Variants in ODAD2 observed in about 807,000 individuals in gnomAD.
ODAD2 encodes the protein outer dynein arm docking complex subunit 2.
ODAD2 carries 89 observed loss-of-function variants against 106.8 expected under a neutral mutation model. That is an observed-to-expected ratio of 0.83 (90% CI 0.70 to 0.99). The LOEUF (loss-of-function observed/expected upper bound fraction) is 0.99. ODAD2 is among the 50% of genes least tolerant of loss of function. The pLI, the probability that ODAD2 is intolerant of heterozygous loss-of-function variation, is 0.00. For synonymous variants in ODAD2, 404 were observed against 436.2 expected, an observed-to-expected ratio of 0.93 and a Z score of 0.92; for missense variants, 1,168 against 1,238.5, an observed-to-expected ratio of 0.94 and a Z score of 0.85.
Position 27,939,877 on chromosome 10 carries a change from G to C in ODAD2, c.2097+20C>G, listed in dbSNP as rs764297273. ...TATGTGAGAAAGAACGCCAACAACCGCTGGGAGAGTTCACTGCACCTGGTA... is the reference window on the plus strand; with the variant it reads ...TATGTGAGAAAGAACGCCAACAACCCCTGGGAGAGTTCACTGCACCTGGTA... On this transcript the variant is annotated intron_variant, in intron 14 of 19. Coordinates refer to ENST00000305242, the MANE Select transcript of ODAD2 (RefSeq NM_018076.5). 1 of 1,503,160 alleles carries C rather than the reference G, an allele frequency of 6.7e-7. No homozygotes were observed. The highest frequency in any genetic ancestry group is 9.1e-7 in the Non-Finnish European group (1 of 1,101,296). The allele number at this position is 1,503,160 out of a possible 1,614,324, so 93.1% of individuals were successfully genotyped here. A position where few individuals can be genotyped will look rare whatever the true frequency, so the allele number is the denominator to read the frequency against.
At chr10:27,826,060 T>C (rs1589759721) in intron 19 of ODAD2, among the ~76,000 whole-genome samples, 1 of 152,230 alleles carries the variant, frequency 6.6e-6, no homozygotes, top group Admixed American at 6.5e-5. Context: ...ATTATGGTCA[T>C]ACCCGGACCT....
Position 27,916,165 on chromosome 10 carries a change from A to C in ODAD2, c.2496-8388T>G, listed in dbSNP as rs143455968. Among the ~76,000 whole-genome samples, 605 of 152,250 alleles carry C rather than the reference A, an allele frequency of 4.0e-3. 3 individuals are homozygous for C. Among genetic ancestry groups the C allele is most frequent in the African/African-American group, 0.014 (588 of 41,564 alleles). On this transcript the variant is annotated intron_variant, in intron 16 of 19. Coordinates refer to ENST00000305242, the MANE Select transcript of ODAD2 (RefSeq NM_018076.5). ...TGGGGACAGAGACTGAAAAGTGTGA[A>C]AGAAAGTGCCAATATAGTAGAGCAG...
At chr10:27,847,887 G>C (rs1838902417) in intron 19 of ODAD2, among the ~76,000 whole-genome samples, 1 of 152,132 alleles carries the variant, frequency 6.6e-6, no homozygotes, top group African/African-American at 2.4e-5. Flanking sequence ...ACTCTTCAAG[G>C]AGAACTACAA....
At chr10:27,935,444 C>T (rs1845904903) in intron 15 of ODAD2, among the ~76,000 whole-genome samples, 192 bp from the exon 16 acceptor site, 1 of 152,074 alleles carries the variant, frequency 6.6e-6, no homozygotes, top group South Asian at 2.1e-4. Context: ...CAGACCTGCA[C>T]CCTTAATCAC....
chr10:27,882,229 G>GAAAGA (rs1554799128), intron 17 of ODAD2, among the ~76,000 whole-genome samples: 1 of 149,258 alleles, frequency 6.7e-6, no homozygotes, highest in Admixed American at 6.7e-5. Context: ...AAGAAAGAAA[G>GAAAGA]AAAGAAATAT....
intron 16 of ODAD2, among the ~76,000 whole-genome samples, chr10:27,932,492 GA>G (rs1304234693): frequency 3.3e-5 from 5 of 152,166 alleles, no homozygotes; most frequent in Non-Finnish European, 7.4e-5. Flanking sequence ...GATGATTTGT[GA>G]TATAGTCTAT....
intron 10 of ODAD2, among the ~76,000 whole-genome samples, chr10:27,948,731 C>T (rs1163903680): frequency 6.6e-6 from 1 of 150,854 alleles, no homozygotes; most frequent in Non-Finnish European, 1.5e-5. Flanking sequence ...CTAGTTGTCT[C>T]CCTGCCCCTT....
intron 12 of ODAD2, among the ~76,000 whole-genome samples, chr10:27,941,767 A>G (rs1479769518): frequency 6.6e-6 from 1 of 152,052 alleles, no homozygotes. Flanking sequence ...CACTGTCTCT[A>G]TCTGGGGCTT....
At chr10:27,885,695 AAT>A (rs1288984761) in intron 17 of ODAD2, among the ~76,000 whole-genome samples, 21 of 49,066 alleles carry the variant, frequency 4.3e-4, no homozygotes, top group Admixed American at 1.2e-3. Context: ...TATAATATAT[AAT>A]ATATATAAAA....
rs181436561 is a variant in ODAD2 at position 27,990,410 on chromosome 10, G to A, written c.225-2867C>T. On this transcript the variant is annotated intron_variant, in intron 2 of 19. Transcript: ENST00000305242. ...ATGCTGGCCTTGAACTCCTGGGTTC[G>A]AGTGATCCTTCCATCTCCACCTTCC... Among the ~76,000 whole-genome samples, 350 of 152,282 alleles carry A rather than the reference G, an allele frequency of 2.3e-3. 1 individual carries two copies. Among genetic ancestry groups the A allele is most frequent in the African/African-American group, 8.0e-3 (334 of 41,556 alleles).
intron 17 of ODAD2, among the ~76,000 whole-genome samples, chr10:27,875,855 C>G (rs1841299792): frequency 6.6e-6 from 1 of 152,170 alleles, no homozygotes; most frequent in African/African-American, 2.4e-5. Flanking sequence ...CCTAATACTG[C>G]ACTTTTCCAA....
At chr10:27,981,172 G>C (rs905523861) in intron 7 of ODAD2, among the ~76,000 whole-genome samples, 3 of 152,080 alleles carry the variant, frequency 2.0e-5, no homozygotes, top group African/African-American at 7.2e-5. Context: ...CAGGGAAGAA[G>C]GAATGGGGAA....
intron 19 of ODAD2, among the ~76,000 whole-genome samples, chr10:27,855,260 T>C (rs1839577990): frequency 6.6e-6 from 1 of 152,174 alleles, no homozygotes; most frequent in Non-Finnish European, 1.5e-5. Flanking sequence ...AAGTTAAACA[T>C]GATGAACTAA....
chr10:27,947,173 T>C (rs966168105), intron 10 of ODAD2, among the ~76,000 whole-genome samples: 1 of 152,202 alleles, frequency 6.6e-6, no homozygotes, highest in African/African-American at 2.4e-5. Context: ...TTTTAAAATA[T>C]GAATTTTAAA....
At position 27,916,623 on chromosome 10, in the gene ODAD2, T is replaced by A. The variant is rs139289946; in HGVS notation, c.2496-8846A>T. ...AACGTGAAGATGACCAAGATGAAGATCTTTATGAAGATTCACTTCCACTTA... is the reference window on the plus strand; with the variant it reads ...AACGTGAAGATGACCAAGATGAAGAACTTTATGAAGATTCACTTCCACTTA... On this transcript the variant is annotated intron_variant, in intron 16 of 19. Transcript: ENST00000305242. Among the ~76,000 whole-genome samples the A allele has an allele frequency of 2.8e-3, 419 of 152,154 alleles. 1 individual carries two copies. The highest frequency in any genetic ancestry group is 0.012 in the South Asian group (58 of 4,826).
chr10:27,995,132 G>A lies in ODAD2; in HGVS notation c.11C>T (p.Ala4Val), dbSNP rs1481960552. 2 of 1,614,066 alleles carry A rather than the reference G, an allele frequency of 1.2e-6. No homozygotes were observed. Among genetic ancestry groups the A allele is most frequent in the Middle Eastern group, 1.7e-4 (1 of 6,060 alleles). Residue 4 changes from alanine to valine, a missense_variant, in exon 2 of 20, where the codon GCT becomes GTT. Physicochemically the swap from Ala to Val is moderately conservative, Grantham distance 64. Around this residue, in one of 3 missense-constraint regions of ODAD2, gnomAD observed 430 missense variants for 452.2 expected, o/e 0.95. Transcript: ENST00000305242. Reference protein sequence around the residue: MGVALRKLTQWTAA... With the variant: MGVVLRKLTQWTAA... ...AGTCCACTGCGTCAATTTCCTCAGAGCCACACCCATGGGATCCACCGTGCT... is the reference window on the plus strand; with the variant it reads ...AGTCCACTGCGTCAATTTCCTCAGAACCACACCCATGGGATCCACCGTGCT...
At chr10:27,979,077 G>T (rs1436791961) in intron 7 of ODAD2, among the ~76,000 whole-genome samples, 2 of 151,862 alleles carry the variant, frequency 1.3e-5, no homozygotes, top group Non-Finnish European at 2.9e-5. Flanking sequence ...GAGCATGGTG[G>T]CAGATGCCTG....
intron 19 of ODAD2, 115 bp downstream of exon 19, chr10:27,860,510 C>T (rs1247929465): frequency 2.2e-6 from 2 of 901,044 alleles, no homozygotes; most frequent in Non-Finnish European, 3.4e-6. Flanking sequence ...ATGCAGCAGG[C>T]AGGCACTTTT....
rs1175807168 is a variant in ODAD2 at position 27,944,864 on chromosome 10, G to A, written c.1485C>T (p.Gly495=). 6.2e-7 allele frequency: 1 copy of A among 1,614,094 alleles called. No individual in the cohort carries two copies. The highest frequency in any genetic ancestry group is 1.7e-5 in the Admixed American group (1 of 60,016). The stretch of plus-strand genomic sequence containing the variant: ...CAAGCAAATTTATCAGCACTTCCAG[G>A]CCTCCAACATCTCTGATGGCCAACT... ...TCQLAIRDVG[G]LEVLINLLET... The change falls in exon 11 of 20, where the codon GGC becomes GGT. Residue 495 remains glycine, a synonymous_variant. Transcript: ENST00000305242.
Sources: allele counts gnomAD v4.1 joint callset (sites outside exome capture counted in the v4.1 genomes callset), GRCh38; gene constraint gnomAD v4.1.1; regional missense constraint gnomAD v4.1.1; transcripts MANE v1.5; gene names NCBI Gene and HGNC (gene_info 2026-07-23, HGNC 2026-07-21).